Variants in BMP2K observed in about 807,000 individuals in gnomAD.
The protein encoded by BMP2K is BMP2 inducible kinase, also known as BMP-2-inducible protein kinase.
In BMP2K, 74 loss-of-function variants were observed where a neutral mutation model predicts 116.0. That is an observed-to-expected ratio of 0.64 (90% CI 0.53 to 0.77). BMP2K has a LOEUF of 0.77. BMP2K is among the 30% of genes least tolerant of loss of function. The pLI, the probability that BMP2K is intolerant of heterozygous loss-of-function variation, is 0.00. For missense variants in BMP2K, 1,365 were observed against 1,403.6 expected, an observed-to-expected ratio of 0.97 and a Z score of 0.44; for synonymous variants, 486 against 502.5, an observed-to-expected ratio of 0.97 and a Z score of 0.44.
chr4:78,865,789 C>T (rs1732021251), intron 10 of BMP2K, 69 bp downstream of exon 10: 2 of 1,499,414 alleles, frequency 1.3e-6, no homozygotes, highest in East Asian at 2.3e-5. Flanking sequence ...ATTTGATTTC[C>T]TGACCTCAGG....
In BMP2K at chr4:78,855,948, A is replaced by C. The variant is rs189446730; in HGVS notation, c.884-3636A>C. ...AGTTGAGTAAACAAGGGCGTATTCT[A>C]GTTTCTCTGCCTTTTTTGTTTTGTT... On this transcript the variant is annotated intron_variant, in intron 7 of 15. Coordinates refer to ENST00000502613, the MANE Select transcript of BMP2K (RefSeq NM_198892.2). Among the ~76,000 whole-genome samples the C allele has an allele frequency of 2.6e-3, 394 of 152,268 alleles. 1 individual carries two copies. Among genetic ancestry groups the C allele is most frequent in the Non-Finnish European group, 4.4e-3 (302 of 68,014 alleles).
chr4:78,911,617 G>C lies in BMP2K; in HGVS notation c.3070G>C (p.Val1024Leu), dbSNP rs1490464847. Residue 1024 changes from valine to leucine, a missense_variant, in exon 16 of 16, where the codon GTG (valine) becomes CTG (leucine). Physicochemically the swap from Val to Leu is conservative, Grantham distance 32 (BLOSUM62 1). This residue lies in a region of BMP2K where 596 missense variants were observed against 623.2 expected (regional missense o/e 0.96). Transcript: ENST00000502613. ...AGAGAGGGCTCGCAGGCACAAAAAA[G>C]TGGGCCGCCGAGACTCTCAAAGTAG... ...TPERARRHKK[V>L]GRRDSQSSNE... is the part of the protein sequence containing the mutation. The C allele has an allele frequency of 1.2e-6, 2 of 1,613,988 alleles. No homozygotes were observed. Among genetic ancestry groups the C allele is most frequent in the East Asian group, 4.5e-5 (2 of 44,874 alleles).
At chr4:78,869,352 A>G (rs1732218404) in intron 10 of BMP2K, among the ~76,000 whole-genome samples, 2 of 152,130 alleles carry the variant, frequency 1.3e-5, no homozygotes, top group Admixed American at 1.3e-4. Context: ...GAGATAAAAT[A>G]TACTAAAGGC....
chr4:78,787,171 A>G (rs1236118276), intron 1 of BMP2K, among the ~76,000 whole-genome samples: 1 of 152,220 alleles, frequency 6.6e-6, no homozygotes, highest in Non-Finnish European at 1.5e-5. Context: ...ATTACTATGA[A>G]ACAATTGGAT....
chr4:78,900,376 C>T (rs77833636), intron 15 of BMP2K, among the ~76,000 whole-genome samples: 4,353 of 152,172 alleles, frequency 0.029, 231 homozygotes, highest in African/African-American at 0.1. Flanking sequence ...GTTGATACCT[C>T]TAATCCCCTC....
Position 78,861,312 on chromosome 4 carries a change from A to G in BMP2K, c.988-77A>G, listed in dbSNP as rs1731774510. 2.4e-5 allele frequency: 27 copies of G among 1,114,238 alleles called. No individual in the cohort carries two copies. The South Asian group carries it at 3.6e-4, about 15-fold the overall frequency. The allele number at this position is 1,114,238 out of a possible 1,614,324, so 69.0% of individuals were successfully genotyped here. A position where few individuals can be genotyped will look rare whatever the true frequency, so the allele number is the denominator to read the frequency against. ...CATAGTACTTTTAAAGTTCAATGAT[A>G]TATCCATAGCTTACAAAAACTTTCT... On this transcript the variant is annotated intron_variant, in intron 8 of 15. Transcript: ENST00000502613.
chr4:78,807,690 T>C (rs1461485432), intron 1 of BMP2K, among the ~76,000 whole-genome samples: 1 of 150,948 alleles, frequency 6.6e-6, no homozygotes, highest in Non-Finnish European at 1.5e-5. Context: ...ACCCAAGATA[T>C]CTAATTTGTT....
At chr4:78,879,966 C>G (rs892918275) in intron 14 of BMP2K, 1 of 152,076 alleles carries the variant, frequency 6.6e-6, no homozygotes, top group Non-Finnish European at 1.5e-5. Context: ...CTAAATAAAA[C>G]CGATCACATG....
At chr4:78,784,889 C>G (rs1376220866) in intron 1 of BMP2K, among the ~76,000 whole-genome samples, 2 of 152,052 alleles carry the variant, frequency 1.3e-5, no homozygotes, top group Non-Finnish European at 2.9e-5. Context: ...CATCTTTTTC[C>G]ATTTTAGTAT....
Position 78,842,433 on chromosome 4 carries a change from C to G in BMP2K, c.452C>G (p.Thr151Arg), listed in dbSNP as rs1485351709. 1 of 1,607,204 alleles carries G rather than the reference C, an allele frequency of 6.2e-7. No homozygotes were observed. Among genetic ancestry groups the G allele is most frequent in the East Asian group, 2.2e-5 (1 of 44,790 alleles). ...QMNKKLQTGF[T>R]EPEVLQIFCD... ...AATAAGAAGCTACAGACGGGTTTTA[C>G]AGAACCAGAAGTGTTACAGATATTC... is the stretch of plus-strand genomic sequence containing the variant. Residue 151 changes from threonine (T) to arginine (R), a missense_variant, in exon 4 of 16, where the codon ACA (threonine) becomes AGA (arginine). Physicochemically the swap from Thr to Arg is moderately conservative, Grantham distance 71. Transcript: ENST00000502613.
intron 1 of BMP2K, among the ~76,000 whole-genome samples, chr4:78,782,028 C>T (rs1016870859): frequency 2.0e-5 from 3 of 152,174 alleles, no homozygotes; most frequent in African/African-American, 7.2e-5. Context: ...CACAGTTATT[C>T]ATGCTCACTT....
intron 15 of BMP2K, among the ~76,000 whole-genome samples, chr4:78,907,170 T>C (rs1734329153): frequency 6.6e-6 from 1 of 152,174 alleles, no homozygotes; most frequent in Non-Finnish European, 1.5e-5. Flanking sequence ...TAATAGACTG[T>C]TGATACCTGA....
chr4:78,850,941 C>A lies in BMP2K; in HGVS notation c.768C>A (p.Leu256=). Reference sequence around the variant, plus strand: ...GTTTACAGGCACTGGGATGTCTACTCTATAAACTTTGTTTCTTCACTCTTC... The same window carrying A: ...GTTTACAGGCACTGGGATGTCTACTATATAAACTTTGTTTCTTCACTCTTC... ...KADIWALGCL[L]YKLCFFTLPF... The change falls in exon 7 of 16, where the codon CTC becomes CTA. Residue 256 remains leucine, a synonymous_variant. Transcript: ENST00000502613. The A allele has an allele frequency of 1.9e-6, 3 of 1,612,002 alleles. No individual in the cohort carries two copies. The highest frequency in any genetic ancestry group is 2.5e-6 in the Non-Finnish European group (3 of 1,178,716).
chr4:78,865,043 T>C (rs962915528), intron 9 of BMP2K, among the ~76,000 whole-genome samples: 2 of 152,218 alleles, frequency 1.3e-5, no homozygotes, highest in Non-Finnish European at 2.9e-5. Context: ...AAGTTAAAGA[T>C]TCAAGAAGTT....
In BMP2K at chr4:78,912,578, C is replaced by T. The variant is rs1734705483; in HGVS notation, c.*545C>T. 1 of 151,990 alleles carries T rather than the reference C, an allele frequency of 6.6e-6. No homozygotes were observed. Among genetic ancestry groups the T allele is most frequent in the Non-Finnish European group, 1.5e-5 (1 of 68,088 alleles). 9.4% of individuals were successfully genotyped at this position (151,990 alleles called of 1,614,324 possible). A position where few individuals can be genotyped will look rare whatever the true frequency, so the allele number is the denominator to read the frequency against. ...TACACCTTTCTCCACAAAGCAGAGC[C>T]AGAAGTAACTGACTATTGTGCCTAA... On this transcript the variant is annotated 3_prime_UTR_variant, in exon 16 of 16. Coordinates refer to ENST00000502613, the MANE Select transcript of BMP2K (RefSeq NM_198892.2).
chr4:78,887,088 TTTTA>T lies in BMP2K; in HGVS notation c.1952-80_1952-77del, dbSNP rs1277153621. The T allele has an allele frequency of 6.3e-6, 6 of 957,316 alleles. No individual in the cohort carries two copies. In the African/African-American group the frequency reaches 1.0e-4, roughly 16 times the overall value. The allele number at this position is 957,316 out of a possible 1,614,324, so 59.3% of individuals were successfully genotyped here. ...AAAAGGCTGGTGCTTTAATTTTCAC[TTTTA>T]TTTATATGTATATCACTTTTTAATT... On this transcript the variant is annotated intron_variant, in intron 14 of 15. Transcript: ENST00000502613.
At chr4:78,895,314 A>G (rs1040743107) in intron 15 of BMP2K, among the ~76,000 whole-genome samples, 4 of 152,216 alleles carry the variant, frequency 2.6e-5, no homozygotes, top group African/African-American at 9.6e-5. Context: ...TGATCTTTTT[A>G]AAGCATAGGG....
At chr4:78,910,397 T>C (rs1010386334) in intron 15 of BMP2K, among the ~76,000 whole-genome samples, 2 of 152,222 alleles carry the variant, frequency 1.3e-5, no homozygotes, top group Non-Finnish European at 2.9e-5. Flanking sequence ...GGTCCAGATA[T>C]GAATAAGTCT....
chr4:78,806,347 A>C (rs1243087883), intron 1 of BMP2K, among the ~76,000 whole-genome samples: 2 of 152,030 alleles, frequency 1.3e-5, no homozygotes, highest in Non-Finnish European at 2.9e-5. Flanking sequence ...AGTGAATTTA[A>C]AATTTTTTTT....
Sources: gnomAD v4.1 joint callset for allele counts (sites outside exome capture counted in the v4.1 genomes callset) on GRCh38, gnomAD v4.1.1 for gene constraint, gnomAD v4.1.1 regional missense constraint, MANE v1.5 for transcripts, NCBI Gene and HGNC (gene_info 2026-07-23, HGNC 2026-07-21) for gene names.